Variants in RBMS1 observed in about 807,000 individuals in gnomAD.
The protein encoded by RBMS1 is RNA-binding motif, single-stranded-interacting protein 1.
RBMS1 carries 17 observed loss-of-function variants against 62.3 expected under a neutral mutation model. The ratio of observed to expected loss-of-function variants is 0.27; its 90% confidence interval spans 0.19 to 0.41. The LOEUF (loss-of-function observed/expected upper bound fraction) is 0.41. Among genes scored for constraint, RBMS1 ranks in the 10% least tolerant of loss-of-function variants. The pLI, the probability that RBMS1 is intolerant of heterozygous loss-of-function variation, is 1.00. For missense variants in RBMS1, 334 were observed against 504.5 expected (o/e 0.66, Z 3.24); for synonymous variants, 172 against 170.0 (o/e 1.01, Z -0.09).
At chr2:160,460,338 T>C (rs1219905007) in intron 1 of RBMS1, among the ~76,000 whole-genome samples, 1 of 152,188 alleles carries the variant, frequency 6.6e-6, no homozygotes, top group Non-Finnish European at 1.5e-5. Context: ...AATCAACACA[T>C]ATCACACACA....
intron 1 of RBMS1, among the ~76,000 whole-genome samples, chr2:160,407,005 AACACACAGAC>A (rs1695755207): frequency 6.6e-6 from 1 of 151,208 alleles, no homozygotes; most frequent in Non-Finnish European, 1.5e-5. Context: ...GGCGCGCGCG[AACACACAGAC>A]ACACACAGAG....
chr2:160,325,125 A>G (rs1479871910), intron 2 of RBMS1, among the ~76,000 whole-genome samples: 1 of 151,980 alleles, frequency 6.6e-6, no homozygotes, highest in African/African-American at 2.4e-5. Flanking sequence ...GTTGACAGCT[A>G]TGGAAACTTG....
At chr2:160,318,424 A>G (rs1428171813) in intron 2 of RBMS1, among the ~76,000 whole-genome samples, 197 bp from the exon 3 acceptor site, 2 of 152,188 alleles carry the variant, frequency 1.3e-5, no homozygotes, top group East Asian at 3.8e-4. Flanking sequence ...GGGAATGGCT[A>G]GGCCTCTTGT....
intron 1 of RBMS1, among the ~76,000 whole-genome samples, chr2:160,409,770 T>C (rs1160965685): frequency 6.6e-6 from 1 of 152,188 alleles, no homozygotes; most frequent in Non-Finnish European, 1.5e-5. Context: ...GGTCATGATA[T>C]TTTGGATGCT....
Position 160,281,341 on chromosome 2 carries a change from T to C in RBMS1, c.924A>G (p.Gln308=), listed in dbSNP as rs762543067. Residue 308 remains glutamine (Q), a synonymous_variant, in exon 10 of 14, where the codon CAA becomes CAG. Transcript: ENST00000348849. ...AYQVQSPSWM[Q]PQPYILQHPG... ...GGTGCTGTAGAATATATGGTTGAGG[T>C]TGCATCCACGAAGGACTTTGCACCT... is the stretch of plus-strand genomic sequence containing the variant. The C allele has an allele frequency of 3.1e-6, 5 of 1,610,184 alleles. No homozygotes were observed. The Admixed American group carries it at 5.0e-5, about 16-fold the overall frequency.
chr2:160,340,899 C>T (rs1306765948), intron 2 of RBMS1, among the ~76,000 whole-genome samples: 2 of 152,220 alleles, frequency 1.3e-5, no homozygotes, highest in East Asian at 1.9e-4. Context: ...CTTAAATACC[C>T]AACTTTTATA....
chr2:160,306,151 G>GTGTGTA (rs1491577481), intron 4 of RBMS1, among the ~76,000 whole-genome samples: 25 of 151,238 alleles, frequency 1.7e-4, no homozygotes, highest in African/African-American at 5.8e-4. Flanking sequence ...GTGTGTGTGT[G>GTGTGTA]TATACACATA....
intron 1 of RBMS1, among the ~76,000 whole-genome samples, chr2:160,432,797 A>G (rs760313038): frequency 1.3e-5 from 2 of 151,938 alleles, no homozygotes; most frequent in South Asian, 4.1e-4. Context: ...AGTGAGGCTC[A>G]CTGCCAACAC....
Position 160,306,403 on chromosome 2 carries a change from C to G in RBMS1, c.403-2916G>C, listed in dbSNP as rs534834018. Among the ~76,000 whole-genome samples the G allele has an allele frequency of 5.3e-5, 8 of 152,234 alleles. No homozygotes were observed. The East Asian group carries it at 1.2e-3, about 22-fold the overall frequency. The stretch of plus-strand genomic sequence containing the variant: ...CTATAAATCAGAATCCCAGAAAGAA[C>G]TGGGCTCTTAACCCACTCTTTGATA... On this transcript the variant is annotated intron_variant, in intron 4 of 13. Coordinates refer to ENST00000348849, the MANE Select transcript of RBMS1 (RefSeq NM_016836.4).
At chr2:160,306,996 AG>A (rs1242957043) in intron 4 of RBMS1, among the ~76,000 whole-genome samples, 2 of 152,182 alleles carry the variant, frequency 1.3e-5, no homozygotes, top group Non-Finnish European at 2.9e-5. Flanking sequence ...TAGGCATGGA[AG>A]GGTTCAAGGG....
intron 2 of RBMS1, among the ~76,000 whole-genome samples, chr2:160,329,104 A>G (rs1691112469): frequency 6.6e-6 from 1 of 152,162 alleles, no homozygotes; most frequent in Non-Finnish European, 1.5e-5. Context: ...AAAACACTCC[A>G]CCAGCATATT....
intron 1 of RBMS1, among the ~76,000 whole-genome samples, chr2:160,381,791 C>A (rs1490090566): frequency 5.9e-5 from 9 of 152,198 alleles, no homozygotes; most frequent in Non-Finnish European, 1.3e-4. Flanking sequence ...AAAGGTTTGG[C>A]TCAAGAAACT....
intron 1 of RBMS1, among the ~76,000 whole-genome samples, chr2:160,453,840 A>G (rs1174125718): frequency 6.6e-6 from 1 of 152,122 alleles, no homozygotes; most frequent in Non-Finnish European, 1.5e-5. Context: ...ACTTCTCACC[A>G]ATTTCCTGAA....
chr2:160,301,826 T>C (rs575767291), intron 5 of RBMS1, among the ~76,000 whole-genome samples: 1 of 152,356 alleles, frequency 6.6e-6, no homozygotes, highest in Admixed American at 6.5e-5. Flanking sequence ...AATTTTCTTC[T>C]ATATAAAACA....
At chr2:160,340,296 C>G (rs751272057) in intron 2 of RBMS1, among the ~76,000 whole-genome samples, 2 of 152,082 alleles carry the variant, frequency 1.3e-5, no homozygotes, top group East Asian at 3.9e-4. Flanking sequence ...CTGCTCAATT[C>G]CAGTGACAGC....
intron 2 of RBMS1, among the ~76,000 whole-genome samples, chr2:160,339,704 AT>A (rs1215416106): frequency 1.7e-4 from 3 of 17,632 alleles, no homozygotes; most frequent in Admixed American, 1.2e-3. Context: ...CAATTAAAAT[AT>A]ATATATATAT....
intron 1 of RBMS1, among the ~76,000 whole-genome samples, chr2:160,441,426 T>C (rs1683404779): frequency 6.6e-6 from 1 of 152,202 alleles, no homozygotes; most frequent in Admixed American, 6.5e-5. Context: ...ATTAAACGTA[T>C]GTTTAACTTT....
In RBMS1 at chr2:160,404,598, C is replaced by T. The variant is rs549356779; in HGVS notation, c.76-37207G>A. The stretch of plus-strand genomic sequence containing the variant: ...GTACATAGGTTATATACAAATACTA[C>T]GCAATTTTATATCAGGACCTTGAGC... On this transcript the variant is annotated intron_variant, in intron 1 of 13. Transcript: ENST00000348849. Among the ~76,000 whole-genome samples the T allele has an allele frequency of 8.3e-4, 127 of 152,232 alleles. 1 individual carries two copies. Among genetic ancestry groups the T allele is most frequent in the African/African-American group, 2.7e-3 (113 of 41,536 alleles).
chr2:160,465,098 C>T (rs1050475593), intron 1 of RBMS1, among the ~76,000 whole-genome samples: 4 of 152,134 alleles, frequency 2.6e-5, no homozygotes, highest in African/African-American at 9.7e-5. Context: ...ATCACCATGA[C>T]AAAAAGTCAA....
Sources: gnomAD v4.1 joint callset for allele counts (sites outside exome capture counted in the v4.1 genomes callset) on GRCh38, gnomAD v4.1.1 for gene constraint, MANE v1.5 for transcripts, NCBI Gene and HGNC (gene_info 2026-07-23, HGNC 2026-07-21) for gene names.